Variants in MAD1L1 observed in about 807,000 individuals in gnomAD.
MAD1L1 encodes the protein mitotic spindle assembly checkpoint protein MAD1.
In MAD1L1, 95 loss-of-function variants were observed where a neutral mutation model predicts 96.9. The observed-to-expected ratio is 0.98, with a 90% CI of 0.83 to 1.16. The LOEUF is 1.16. MAD1L1 is among the 50% of genes most tolerant of loss of function. MAD1L1 has a pLI of 0.00. For synonymous variants in MAD1L1, 473 were observed against 396.6 expected (o/e 1.19, Z -2.29); for missense variants, 1,007 against 954.4 (o/e 1.06, Z -0.73).
intron 15 of MAD1L1, among the ~76,000 whole-genome samples, chr7:1,962,040 C>T (rs1199008544): frequency 2.7e-5 from 4 of 150,494 alleles, no homozygotes; most frequent in South Asian, 4.2e-4. Context: ...AATCACAGGG[C>T]GGTTTCCCCC....
chr7:2,016,916 G>C (rs543938939), intron 12 of MAD1L1, among the ~76,000 whole-genome samples: 2 of 152,246 alleles, frequency 1.3e-5, no homozygotes, highest in Admixed American at 6.5e-5. Context: ...GCCAGTTACC[G>C]GAGTTGTCAG....
At chr7:2,228,716 G>A (rs1386530404) in intron 3 of MAD1L1, among the ~76,000 whole-genome samples, 2 of 151,036 alleles carry the variant, frequency 1.3e-5, no homozygotes, top group South Asian at 2.1e-4. Flanking sequence ...CATCAAGAAA[G>A]GGCAGTGAGC....
intron 11 of MAD1L1, among the ~76,000 whole-genome samples, chr7:2,106,914 G>C (rs1216780966): frequency 2.6e-5 from 4 of 152,144 alleles, no homozygotes; most frequent in Non-Finnish European, 5.9e-5. Flanking sequence ...CCTGGGCAGG[G>C]GCCCGGGGGT....
Position 1,985,304 on chromosome 7 carries a change from C to T in MAD1L1, c.1417-4763G>A, listed in dbSNP as rs115346825. Among the ~76,000 whole-genome samples, 1,054 of 152,362 alleles carry T rather than the reference C, an allele frequency of 6.9e-3. 9 individuals carry two copies. Among genetic ancestry groups the T allele is most frequent in the African/African-American group, 0.025 (1,022 of 41,580 alleles). ...CTGGTGGCCTGAGCGGGGCAGCTCC[C>T]GTTTTCCGCCCAGGACTGGGGCTTT... is the stretch of plus-strand genomic sequence containing the variant. On this transcript the variant is annotated intron_variant, in intron 14 of 18. Transcript: ENST00000265854.
chr7:1,950,551 C>A (rs557292010), intron 16 of MAD1L1, among the ~76,000 whole-genome samples: 2 of 152,224 alleles, frequency 1.3e-5, no homozygotes, highest in African/African-American at 4.8e-5. Context: ...AAACCCCAAT[C>A]GTCAGAAGGG....
chr7:2,127,356 T>TGG (rs1788281325), intron 11 of MAD1L1, among the ~76,000 whole-genome samples: 1 of 152,156 alleles, frequency 6.6e-6, no homozygotes, highest in African/African-American at 2.4e-5. Context: ...GGGCCCCTGA[T>TGG]GGAGCACCCA....
chr7:1,891,104 G>A (rs977681601), intron 18 of MAD1L1, among the ~76,000 whole-genome samples: 4 of 152,158 alleles, frequency 2.6e-5, no homozygotes, highest in Non-Finnish European at 2.9e-5. Flanking sequence ...GCACAGAAGC[G>A]ACACCCCGGG....
At position 2,053,038 on chromosome 7, in the gene MAD1L1, G is replaced by A. The variant is rs984423847; in HGVS notation, c.1218+16156C>T. Among the ~76,000 whole-genome samples, 10 of 152,188 alleles carry A rather than the reference G, an allele frequency of 6.6e-5. No homozygotes were observed. The South Asian group carries it at 8.3e-4, about 13-fold the overall frequency. On this transcript the variant is annotated intron_variant, in intron 12 of 18. Transcript: ENST00000265854. ...CCTCCAGTGCCTGCATCTGAAGGCC[G>A]AGCCGTCCCTGCCCTGGCACCTGCT...
intron 14 of MAD1L1, among the ~76,000 whole-genome samples, chr7:1,992,381 G>A (rs1006809330): frequency 6.6e-6 from 1 of 152,250 alleles, no homozygotes; most frequent in African/African-American, 2.4e-5. Flanking sequence ...GTTAACGCTG[G>A]GGAAGGGGAA....
At chr7:2,080,229 G>A (rs1036177021) in intron 11 of MAD1L1, among the ~76,000 whole-genome samples, 5 of 152,218 alleles carry the variant, frequency 3.3e-5, no homozygotes, top group Admixed American at 1.3e-4. Flanking sequence ...TATGGCTTAC[G>A]GCTGCTTTCC....
chr7:2,153,197 A>G (rs376056490), intron 10 of MAD1L1, among the ~76,000 whole-genome samples: 1 of 152,218 alleles, frequency 6.6e-6, no homozygotes, highest in South Asian at 2.1e-4. Flanking sequence ...GGACTACATC[A>G]AAGTAAAAAG....
At chr7:1,921,039 G>A (rs1057508172) in intron 17 of MAD1L1, among the ~76,000 whole-genome samples, 3 of 152,176 alleles carry the variant, frequency 2.0e-5, no homozygotes, top group Admixed American at 6.5e-5. Context: ...GGGCGGAGAG[G>A]CGGCCTGGAG....
At chr7:2,063,294 C>T (rs1369076248) in intron 12 of MAD1L1, among the ~76,000 whole-genome samples, 2 of 152,262 alleles carry the variant, frequency 1.3e-5, no homozygotes, top group Admixed American at 1.3e-4. Context: ...GAGTCCTGGG[C>T]CCCTGGGAGT....
Position 2,123,872 on chromosome 7 carries a change from G to A in MAD1L1, c.1073+25280C>T, listed in dbSNP as rs531203134. Among the ~76,000 whole-genome samples, 9 of 152,336 alleles carry A rather than the reference G, an allele frequency of 5.9e-5. No individual in the cohort carries two copies. The East Asian group carries it at 1.4e-3, about 23-fold the overall frequency. On this transcript the variant is annotated intron_variant, in intron 11 of 18. Coordinates refer to ENST00000265854, the MANE Select transcript of MAD1L1 (RefSeq NM_001013836.2). ...TAAATAAAGCTGCCAATTAGCCAGCGCCCTTTTCCGCTCTGGCAAGGGCTT... is the reference window on the plus strand; with the variant it reads ...TAAATAAAGCTGCCAATTAGCCAGCACCCTTTTCCGCTCTGGCAAGGGCTT...
chr7:1,984,165 C>T (rs1160673399), intron 14 of MAD1L1, among the ~76,000 whole-genome samples: 1 of 152,142 alleles, frequency 6.6e-6, no homozygotes, highest in Non-Finnish European at 1.5e-5. Flanking sequence ...TTCTTTGAAC[C>T]AAGAATTGTT....
At chr7:2,143,579 C>T (rs1443660239) in intron 11 of MAD1L1, among the ~76,000 whole-genome samples, 1 of 151,742 alleles carries the variant, frequency 6.6e-6, no homozygotes, top group African/African-American at 2.4e-5. Context: ...CAATGACTCT[C>T]GAGTCCCTTA....
intron 18 of MAD1L1, among the ~76,000 whole-genome samples, chr7:1,852,679 G>A (rs1279345387): frequency 6.6e-6 from 1 of 151,998 alleles, no homozygotes; most frequent in East Asian, 2.0e-4. Context: ...AAAGCTTTGC[G>A]AGATACTGCA....
At position 2,221,021 on chromosome 7, in the gene MAD1L1, C is replaced by T. The variant is rs751586404; in HGVS notation, c.471+1554G>A. 25 of 1,611,790 alleles carry T rather than the reference C, an allele frequency of 1.6e-5. No homozygotes were observed. In the East Asian group the frequency reaches 5.3e-4, roughly 34 times the overall value. ...AGAGTAAGGAGCGTGACAATCAGGA[C>T]CCTGTGACAGGAGAAGGCAGTCAAG... On this transcript the variant is annotated intron_variant, in intron 5 of 18. Transcript: ENST00000265854.
chr7:1,957,356 G>A (rs950218510), intron 16 of MAD1L1, among the ~76,000 whole-genome samples: 3 of 152,226 alleles, frequency 2.0e-5, no homozygotes, highest in Non-Finnish European at 1.5e-5. Context: ...CAGATCCCGG[G>A]TGGGCATAGT....
Sources: allele counts gnomAD v4.1 joint callset (sites outside exome capture counted in the v4.1 genomes callset), GRCh38; gene constraint gnomAD v4.1.1; transcripts MANE v1.5; gene names NCBI Gene and HGNC (gene_info 2026-07-23, HGNC 2026-07-21).